The following NNT variants were observed in gnomAD, a reference collection of about 807,000 sequenced individuals.
NNT encodes the protein nicotinamide nucleotide transhydrogenase.
NNT carries 50 observed loss-of-function variants against 104.8 expected under a neutral mutation model. The observed-to-expected ratio is 0.48, with a 90% CI of 0.38 to 0.60. The LOEUF (loss-of-function observed/expected upper bound fraction) is 0.60. Ranked by LOEUF, NNT falls within the 20% of genes least tolerant of loss-of-function variation. The pLI, the probability that NNT is intolerant of heterozygous loss-of-function variation, is 0.00. For missense variants in NNT, 1,131 were observed against 1,330.7 expected, an observed-to-expected ratio of 0.85 and a Z score of 2.33; for synonymous variants, 461 against 490.4, an observed-to-expected ratio of 0.94 and a Z score of 0.79.
chr5:43,611,354 A>G (rs889097001), intron 2 of NNT, among the ~76,000 whole-genome samples: 7 of 151,990 alleles, frequency 4.6e-5, no homozygotes, highest in Non-Finnish European at 7.4e-5. Flanking sequence ...ATTATCTCTT[A>G]TTTGGTCAGT....
chr5:43,656,380 G>T (rs534138334), intron 15 of NNT, among the ~76,000 whole-genome samples: 2 of 152,156 alleles, frequency 1.3e-5, no homozygotes, highest in Non-Finnish European at 2.9e-5. Flanking sequence ...CTCAGAAATT[G>T]TAAGAGTTTT....
intron 17 of NNT, among the ~76,000 whole-genome samples, chr5:43,662,484 ACTC>A (rs1326214948): frequency 6.6e-6 from 1 of 151,968 alleles, no homozygotes; most frequent in African/African-American, 2.4e-5. Context: ...GATATTTTGT[ACTC>A]CTATTCTGTA....
chr5:43,702,375 A>T (rs1170378693), intron 20 of NNT, among the ~76,000 whole-genome samples: 1 of 152,232 alleles, frequency 6.6e-6, no homozygotes, highest in East Asian at 1.9e-4. Context: ...AGGGAGAAGC[A>T]TAATAATGCA....
chr5:43,666,104 C>A (rs550033955), intron 17 of NNT, among the ~76,000 whole-genome samples: 36 of 149,484 alleles, frequency 2.4e-4, no homozygotes, highest in African/African-American at 8.1e-4. Context: ...TCCTCACTTC[C>A]CGGACTGGGC....
chr5:43,689,326 T>C (rs1381233945), intron 19 of NNT, among the ~76,000 whole-genome samples: 2 of 152,208 alleles, frequency 1.3e-5, no homozygotes, highest in Non-Finnish European at 2.9e-5. Context: ...TTTCTCCCAC[T>C]CTGTGGGTTG....
At chr5:43,639,027 C>T (rs1751083589) in intron 7 of NNT, among the ~76,000 whole-genome samples, 1 of 151,842 alleles carries the variant, frequency 6.6e-6, no homozygotes, top group Admixed American at 6.6e-5. Context: ...AATCTTTAGT[C>T]TTTGGTATTT....
In NNT at chr5:43,644,296, A is replaced by T. The variant is rs1447408865; in HGVS notation, c.1069A>T (p.Thr357Ser). ...TGAGGCTGGTGGAAACTTTGAAACC[A>T]CTAAGCCAGGAGAACTCTACATTCA... ...AAEAGGNFET[T>S]KPGELYIHKG... Residue 357 changes from threonine (T) to serine (S), a missense_variant, in exon 8 of 22, where the codon ACT (threonine) becomes TCT (serine). Thr to Ser is a moderately conservative substitution (Grantham distance 58). Transcript: ENST00000344920. 1.9e-6 allele frequency: 3 copies of T among 1,613,918 alleles called. No homozygotes were observed.
At position 43,675,621 on chromosome 5, in the gene NNT, C is replaced by A. The variant is rs1328826777; in HGVS notation, c.2745C>A (p.Asp915Glu). Residue 915 changes from aspartate to glutamate, a missense_variant, in exon 18 of 22, where the codon GAC becomes GAA. By Grantham distance (45) the Asp-to-Glu change is conservative. Coordinates refer to ENST00000344920, the MANE Select transcript of NNT (RefSeq NM_182977.3). ...ISGTHTEINLDNAIDMIREAN... is the reference protein window; with the variant it reads ...ISGTHTEINLENAIDMIREAN... Reference sequence around the variant, plus strand: ...GCACACATACGGAAATCAACCTTGACAATGCAATTGACATGATTCGAGAAG... The same window carrying A: ...GCACACATACGGAAATCAACCTTGAAAATGCAATTGACATGATTCGAGAAG... 1 of 1,611,768 alleles carries A rather than the reference C, an allele frequency of 6.2e-7. No individual in the cohort carries two copies. The highest frequency in any genetic ancestry group is 1.7e-5 in the Admixed American group (1 of 59,484).
chr5:43,700,116 T>A lies in NNT; in HGVS notation c.2877-3T>A, dbSNP rs749460774. The A allele has an allele frequency of 9.3e-6, 15 of 1,610,670 alleles. No homozygotes were observed. Among genetic ancestry groups the A allele is most frequent in the Non-Finnish European group, 1.3e-5 (15 of 1,177,712 alleles). ...GCCAGCTCTTCATTTGTTTCATGTC[T>A]AGGTTTGGAATTCACCCAGTTGCAG... On this transcript the variant is annotated splice_region_variant and splice_polypyrimidine_tract_variant and intron_variant, in intron 19 of 21. Coordinates refer to ENST00000344920, the MANE Select transcript of NNT (RefSeq NM_182977.3).
At chr5:43,682,786 T>G (rs1741792105) in intron 19 of NNT, among the ~76,000 whole-genome samples, 1 of 152,230 alleles carries the variant, frequency 6.6e-6, no homozygotes, top group African/African-American at 2.4e-5. Context: ...AACCATTCAT[T>G]GAACAAATAA....
At position 43,615,835 on chromosome 5, in the gene NNT, A is replaced by G. The variant is rs1447534764; in HGVS notation, c.382-13A>G. 6.3e-7 allele frequency: 1 copy of G among 1,577,638 alleles called. No homozygotes were observed. Among genetic ancestry groups the G allele is most frequent in the Admixed American group, 1.9e-5 (1 of 52,304 alleles). Reference sequence around the variant, plus strand: ...ATTTATATTTATAATCTGTGACTTGATTTTTTCCCCAGGTGCGAGCCCCTA... The same window carrying G: ...ATTTATATTTATAATCTGTGACTTGGTTTTTTCCCCAGGTGCGAGCCCCTA... On this transcript the variant is annotated splice_polypyrimidine_tract_variant and intron_variant, in intron 3 of 21. Coordinates refer to ENST00000344920, the MANE Select transcript of NNT (RefSeq NM_182977.3).
At chr5:43,704,202 T>A in intron 21 of NNT, 53 bp from the exon 22 acceptor site, 1 of 1,458,742 alleles carries the variant, frequency 6.9e-7, no homozygotes, top group Non-Finnish European at 9.1e-7. Flanking sequence ...TTGCCTAACA[T>A]GTCCTAGGTT....
intron 1 of NNT, 75 bp from the exon 2 acceptor site, chr5:43,609,068 T>A (rs565137739): frequency 1.6e-5 from 11 of 671,286 alleles, no homozygotes; most frequent in Middle Eastern, 2.5e-4. Flanking sequence ...TTAGTATTTT[T>A]AAAATGTTTT....
intron 19 of NNT, 22 bp from the exon 20 acceptor site, chr5:43,700,097 T>C (rs1238438719): frequency 6.3e-7 from 1 of 1,586,264 alleles, no homozygotes; most frequent in Admixed American, 1.7e-5. Flanking sequence ...TAAGGCCAGC[T>C]CTTCATTTGT....
intron 17 of NNT, among the ~76,000 whole-genome samples, chr5:43,666,399 C>T (rs376647630): frequency 1.1e-4 from 16 of 152,252 alleles, no homozygotes; most frequent in African/African-American, 3.6e-4. Flanking sequence ...GAGACCAGCC[C>T]GGCCAACACG....
At chr5:43,684,343 C>A (rs1741872666) in intron 19 of NNT, among the ~76,000 whole-genome samples, 1 of 151,666 alleles carries the variant, frequency 6.6e-6, no homozygotes, top group African/African-American at 2.4e-5. Context: ...CTAATTCTGG[C>A]TTTTAGAAAG....
intron 5 of NNT, among the ~76,000 whole-genome samples, chr5:43,622,138 G>A (rs761364869): frequency 8.5e-5 from 13 of 152,200 alleles, no homozygotes; most frequent in Non-Finnish European, 1.8e-4. Context: ...CACCTGGGAC[G>A]ATGGCGGCAC....
intron 2 of NNT, among the ~76,000 whole-genome samples, chr5:43,612,374 A>G (rs1043690776): frequency 2.0e-5 from 3 of 152,224 alleles, no homozygotes; most frequent in Admixed American, 1.3e-4. Flanking sequence ...TCCCTTGTCT[A>G]AGTGGCTGAG....
chr5:43,607,558 G>A (rs1452391649), intron 1 of NNT, among the ~76,000 whole-genome samples: 1 of 152,136 alleles, frequency 6.6e-6, no homozygotes, highest in Non-Finnish European at 1.5e-5. Flanking sequence ...CAGCCTTGTT[G>A]CTCACACAAA....
Sources: gnomAD v4.1 joint callset for allele counts (sites outside exome capture counted in the v4.1 genomes callset) on GRCh38, gnomAD v4.1.1 for gene constraint, MANE v1.5 for transcripts, NCBI Gene and HGNC (gene_info 2026-07-23, HGNC 2026-07-21) for gene names.